MAP3K20: variants seen among roughly 807,000 people sequenced by gnomAD.
MAP3K20 encodes the protein mitogen-activated protein kinase kinase kinase 20.
Under a neutral mutation model 85.7 loss-of-function variants are expected in MAP3K20, and 40 were observed. That is an observed-to-expected ratio of 0.47 (90% CI 0.36 to 0.61). MAP3K20 has a LOEUF of 0.61. MAP3K20 is among the 20% of genes least tolerant of loss of function. The probability of loss-of-function intolerance (pLI) is 0.00; values close to 1 mark genes in which losing one functional copy is unlikely to be tolerated. For missense variants in MAP3K20, 817 were observed against 961.7 expected (o/e 0.85, Z 1.99); for synonymous variants, 325 against 327.7 (o/e 0.99, Z 0.09).
intron 7 of MAP3K20, among the ~76,000 whole-genome samples, chr2:173,193,939 C>T (rs183134700): frequency 6.6e-6 from 1 of 152,288 alleles, no homozygotes; most frequent in East Asian, 1.9e-4. Flanking sequence ...ACTCGACCAC[C>T]AGCCACTGAG....
chr2:173,139,516 TA>T (rs1381224326), intron 2 of MAP3K20, among the ~76,000 whole-genome samples: 1 of 152,222 alleles, frequency 6.6e-6, no homozygotes, highest in African/African-American at 2.4e-5. Flanking sequence ...AATATGATTT[TA>T]AAAACAACAT....
intron 3 of MAP3K20, among the ~76,000 whole-genome samples, chr2:173,175,617 T>C (rs1690130836): frequency 1.3e-5 from 2 of 152,214 alleles, no homozygotes; most frequent in Admixed American, 1.3e-4. Flanking sequence ...AATGATCTTC[T>C]TAACCAAAAC....
At chr2:173,160,166 T>C (rs1304957965) in intron 2 of MAP3K20, 2 of 152,206 alleles carry the variant, frequency 1.3e-5, no homozygotes, top group East Asian at 3.8e-4. Flanking sequence ...TATCCTTCTT[T>C]ATTGCCCTGA....
intron 2 of MAP3K20, among the ~76,000 whole-genome samples, chr2:173,104,004 A>C (rs1233380518): frequency 6.6e-6 from 1 of 152,222 alleles, no homozygotes; most frequent in Non-Finnish European, 1.5e-5. Flanking sequence ...ACAAGGATTC[A>C]TGTTTTTTAG....
chr2:173,104,272 G>A (rs770168474), intron 2 of MAP3K20, among the ~76,000 whole-genome samples: 5 of 152,144 alleles, frequency 3.3e-5, no homozygotes, highest in Non-Finnish European at 5.9e-5. Flanking sequence ...GGTGAGCAAA[G>A]CATTTTACCC....
chr2:173,253,798 T>C (rs77172910), intron 16 of MAP3K20, among the ~76,000 whole-genome samples: 2,707 of 152,278 alleles, frequency 0.018, 39 homozygotes, highest in Non-Finnish European at 0.028. Context: ...CCAGGTGCAG[T>C]TGCTCATGCC....
Position 173,169,655 on chromosome 2 carries a change from GGC to G in MAP3K20, c.160-149_160-148del, listed in dbSNP as rs555623749. On this transcript the variant is annotated intron_variant, in intron 2 of 19. Transcript: ENST00000375213. ...GAATTACTTGAGCCCAGGAGGCCAA[GGC>G]TGCAGTGAGCCAAGATCACACCACT... The G allele has an allele frequency of 4.0e-4, 272 of 675,764 alleles. 1 individual carries two copies. In the African/African-American group the frequency reaches 4.8e-3, roughly 12 times the overall value. The allele number at this position is 675,764 out of a possible 1,614,324, so 41.9% of individuals were successfully genotyped here.
At position 173,266,074 on chromosome 2, in the gene MAP3K20, C is replaced by T. The variant is rs780141580; in HGVS notation, c.1727C>T (p.Thr576Ile). The T allele has an allele frequency of 6.3e-6, 10 of 1,583,200 alleles. No homozygotes were observed. The highest frequency in any genetic ancestry group is 1.7e-4 in the Middle Eastern group (1 of 6,030). The change falls in exon 20 of 20, where the codon ACT (threonine) becomes ATT (isoleucine). Residue 576 changes from threonine to isoleucine, a missense_variant. Thr to Ile is a moderately conservative substitution (Grantham distance 89). Transcript: ENST00000375213. ...GGTGCTGATTGCCAGTGGTTAGATA[C>T]TCTGAGGATGCGGCAGATTGCATCC... ...DSSADCQWLDTLRMRQIASNT... is the reference protein window; with the variant it reads ...DSSADCQWLDILRMRQIASNT...
At chr2:173,113,269 T>A (rs1244869469) in intron 2 of MAP3K20, among the ~76,000 whole-genome samples, 1 of 152,164 alleles carries the variant, frequency 6.6e-6, no homozygotes, top group Non-Finnish European at 1.5e-5. Context: ...TGGGGTTATT[T>A]GGATTTTTTT....
chr2:173,083,250 A>G (rs997252824), intron 1 of MAP3K20, among the ~76,000 whole-genome samples: 1 of 152,244 alleles, frequency 6.6e-6, no homozygotes, highest in African/African-American at 2.4e-5. Context: ...TATAAGATAC[A>G]CTATTTTTCT....
intron 2 of MAP3K20, among the ~76,000 whole-genome samples, chr2:173,146,131 A>G (rs1336890273): frequency 6.6e-6 from 1 of 152,140 alleles, no homozygotes; most frequent in Non-Finnish European, 1.5e-5. Context: ...ATAGGTGCAT[A>G]TATTTTCAAG....
At chr2:173,193,180 A>G (rs1690715391) in intron 7 of MAP3K20, 1 of 152,224 alleles carries the variant, frequency 6.6e-6, no homozygotes, top group Admixed American at 6.5e-5. Flanking sequence ...ATAAATGTAT[A>G]TAAACATGTT....
chr2:173,193,771 A>G (rs1221173591), intron 7 of MAP3K20, among the ~76,000 whole-genome samples: 2 of 152,230 alleles, frequency 1.3e-5, no homozygotes, highest in Non-Finnish European at 2.9e-5. Context: ...ACTATGCACC[A>G]CATTTCAGTA....
intron 1 of MAP3K20, among the ~76,000 whole-genome samples, chr2:173,088,973 G>T (rs1056010272): frequency 6.6e-6 from 1 of 151,712 alleles, no homozygotes; most frequent in African/African-American, 2.4e-5. Flanking sequence ...CCTCTTTCTC[G>T]CCTTCTCCCC....
intron 2 of MAP3K20, among the ~76,000 whole-genome samples, chr2:173,144,490 AGAAAG>A (rs1689079523): frequency 1.3e-5 from 2 of 149,404 alleles, no homozygotes; most frequent in African/African-American, 2.5e-5. Context: ...AAAAAAGAAA[AGAAAG>A]AAAGAAGAGA....
At chr2:173,188,923 A>G (rs1690570225) in intron 5 of MAP3K20, among the ~76,000 whole-genome samples, 1 of 152,208 alleles carries the variant, frequency 6.6e-6, no homozygotes, top group African/African-American at 2.4e-5. Flanking sequence ...TGACTTCAGT[A>G]TATCTTAAAT....
At chr2:173,223,521 A>G (rs1158706231) in intron 11 of MAP3K20, 1 of 985,316 alleles carries the variant, frequency 1.0e-6, no homozygotes, top group African/African-American at 1.7e-5. Flanking sequence ...TCAGTTTCAA[A>G]TAATATTTTC....
At chr2:173,147,774 A>G (rs1032089898) in intron 2 of MAP3K20, among the ~76,000 whole-genome samples, 7 of 151,986 alleles carry the variant, frequency 4.6e-5, no homozygotes, top group African/African-American at 1.7e-4. Flanking sequence ...TTTAGTAGAG[A>G]CAGGGTTTCA....
chr2:173,082,531 G>C (rs946413947), intron 1 of MAP3K20, among the ~76,000 whole-genome samples: 1 of 152,194 alleles, frequency 6.6e-6, no homozygotes, highest in African/African-American at 2.4e-5. Flanking sequence ...AAAACGATTT[G>C]GGGTACAAAC....
Sources: allele counts gnomAD v4.1 joint callset (sites outside exome capture counted in the v4.1 genomes callset), GRCh38; gene constraint gnomAD v4.1.1; transcripts MANE v1.5; gene names NCBI Gene and HGNC (gene_info 2026-07-23, HGNC 2026-07-21).